Variants in TNFSF11 observed in about 807,000 individuals in gnomAD.
TNFSF11 encodes TNF superfamily member 11, also known as tumor necrosis factor ligand superfamily member 11.
In TNFSF11, 12 loss-of-function variants were observed where a neutral mutation model predicts 32.2. The observed-to-expected ratio is 0.37, with a 90% CI of 0.24 to 0.60. TNFSF11 has a LOEUF of 0.60. Among genes scored for constraint, TNFSF11 ranks in the 20% least tolerant of loss-of-function variants. The pLI is 0.66. For missense variants in TNFSF11, 345 were observed against 398.0 expected (o/e 0.87, Z 1.13); for synonymous variants, 172 against 152.1 (o/e 1.13, Z -0.96).
At chr13:42,588,947 G>A (rs969620677) in intron 2 of TNFSF11, among the ~76,000 whole-genome samples, 2 of 152,188 alleles carry the variant, frequency 1.3e-5, no homozygotes, top group African/African-American at 2.4e-5. Flanking sequence ...GAAGTTCAGG[G>A]TGTTGGGGAG....
intron 2 of TNFSF11, among the ~76,000 whole-genome samples, chr13:42,597,077 A>G (rs1212372182): frequency 6.6e-6 from 1 of 152,234 alleles, no homozygotes; most frequent in Non-Finnish European, 1.5e-5. Context: ...TGTTATTTTT[A>G]TGATTGATAT....
intron 2 of TNFSF11, among the ~76,000 whole-genome samples, chr13:42,594,128 G>A (rs920613662): frequency 1.3e-5 from 2 of 152,030 alleles, no homozygotes; most frequent in African/African-American, 4.8e-5. Flanking sequence ...TGCCCAGGCT[G>A]GAGTGCAGTG....
intron 1 of TNFSF11, among the ~76,000 whole-genome samples, chr13:42,580,529 G>A (rs375844787): frequency 2.6e-5 from 4 of 152,132 alleles, no homozygotes; most frequent in East Asian, 3.8e-4. Context: ...ACACTGATGA[G>A]AGGGTCAACA....
chr13:42,601,053 C>A, intron 4 of TNFSF11, 72 bp downstream of exon 4: 1 of 1,545,122 alleles, frequency 6.5e-7, no homozygotes, highest in Non-Finnish European at 8.9e-7. Flanking sequence ...ATACTGAAAC[C>A]TATTTTTAGT....
At chr13:42,568,900 C>T (rs1355006085) in intron 2 of TNFSF11, among the ~76,000 whole-genome samples, 1 of 152,130 alleles carries the variant, frequency 6.6e-6, no homozygotes, top group Non-Finnish European at 1.5e-5. Context: ...TTGCAACTGG[C>T]TTCAGATTTA....
chr13:42,595,250 T>C (rs1242357253), intron 2 of TNFSF11, among the ~76,000 whole-genome samples: 2 of 152,228 alleles, frequency 1.3e-5, no homozygotes, highest in African/African-American at 4.8e-5. Flanking sequence ...GGTAGTTCGG[T>C]TTCCTTTTTT....
rs1566373669 is a variant in TNFSF11, at chr13:42,574,260, AG to A, written c.-43del. On this transcript the variant is annotated 5_prime_UTR_variant, in exon 1 of 5. Transcript: ENST00000398795. ...TTGGCCGCAGACAAGAAGGGGAGGG[AG>A]CGGGAGAGGGAGGAGAGCTCCGAAG... 2 of 1,541,532 alleles carry A rather than the reference AG, an allele frequency of 1.3e-6. No homozygotes were observed. The highest frequency in any genetic ancestry group is 1.8e-6 in the Non-Finnish European group (2 of 1,142,168).
At chr13:42,567,726 A>T (rs1872918283) in intron 2 of TNFSF11, among the ~76,000 whole-genome samples, 1 of 152,254 alleles carries the variant, frequency 6.6e-6, no homozygotes, top group African/African-American at 2.4e-5. Flanking sequence ...AGATCATAAG[A>T]CTGACAGAAT....
intron 1 of TNFSF11, among the ~76,000 whole-genome samples, chr13:42,575,196 G>T (rs1250031147): frequency 6.6e-6 from 1 of 152,220 alleles, no homozygotes; most frequent in Non-Finnish European, 1.5e-5. Context: ...GCCTGCTAGG[G>T]ATGTGGGCGG....
At chr13:42,581,838 C>T (rs567959162) in intron 2 of TNFSF11, among the ~76,000 whole-genome samples, 1 of 152,314 alleles carries the variant, frequency 6.6e-6, no homozygotes, top group Non-Finnish European at 1.5e-5. Context: ...TTCTCATTTT[C>T]TGGGAGAGCT....
At chr13:42,606,349 C>G in intron 4 of TNFSF11, 148 bp from the exon 5 acceptor site, 1 of 967,848 alleles carries the variant, frequency 1.0e-6, no homozygotes, top group Non-Finnish European at 1.6e-6. Flanking sequence ...ATGTATTCTC[C>G]CCTTCTAGAA....
intron 4 of TNFSF11, among the ~76,000 whole-genome samples, chr13:42,603,329 C>T (rs1413096937): frequency 6.6e-6 from 1 of 152,146 alleles, no homozygotes; most frequent in Non-Finnish European, 1.5e-5. Context: ...CGGTACTTAG[C>T]AGCAGGGACT....
At chr13:42,577,865 G>A (rs541849236) in intron 1 of TNFSF11, among the ~76,000 whole-genome samples, 1 of 152,288 alleles carries the variant, frequency 6.6e-6, no homozygotes, top group Non-Finnish European at 1.5e-5. Context: ...AGTGTATTTC[G>A]TAGGCACATT....
chr13:42,594,003 G>A (rs1188957395), intron 2 of TNFSF11, among the ~76,000 whole-genome samples: 1 of 152,214 alleles, frequency 6.6e-6, no homozygotes, highest in Admixed American at 6.5e-5. Flanking sequence ...CCAGACTCCA[G>A]CAACTTGACC....
chr13:42,570,957 G>A (rs917046603), upstream of TNFSF11, among the ~76,000 whole-genome samples: 2 of 151,968 alleles, frequency 1.3e-5, no homozygotes, highest in Non-Finnish European at 2.9e-5. Flanking sequence ...TACTAATCAC[G>A]GTTTTGTTAG....
Position 42,581,255 on chromosome 13 carries a change from A to T in TNFSF11, c.349A>T (p.Arg117Trp), listed in dbSNP as rs774612444. The change falls in exon 2 of 5, where the codon AGG (arginine) becomes TGG (tryptophan). Residue 117 changes from arginine (R) to tryptophan (W), a missense_variant. Physicochemically the swap from Arg to Trp is moderately radical, Grantham distance 101. Transcript: ENST00000398795. ...QDTKLIPDSC[R>W]RIKQAFQGAV... The stretch of plus-strand genomic sequence containing the variant: ...TACAAAATTAATACCTGATTCATGT[A>T]GGAGAATTAAACAGGCCTTTCAAGG... 1 of 1,614,138 alleles carries T rather than the reference A, an allele frequency of 6.2e-7. No individual in the cohort carries two copies. The highest frequency in any genetic ancestry group is 8.5e-7 in the Non-Finnish European group (1 of 1,179,974).
chr13:42,581,005 C>G lies in TNFSF11; in HGVS notation c.220-121C>G, dbSNP rs12721448. 3.6e-3 allele frequency: 3,678 copies of G among 1,008,434 alleles called. 16 individuals carry two copies. The highest frequency in any genetic ancestry group is 6.1e-3 in the Middle Eastern group (21 of 3,438). 62.5% of individuals were successfully genotyped at this position (1,008,434 alleles called of 1,614,324 possible). The stretch of plus-strand genomic sequence containing the variant: ...CTTGAGGTTCATTGTATTAACTATT[C>G]ATTGTTGGGGACATAAAGACTCTTG... On this transcript the variant is annotated intron_variant, in intron 1 of 4. Coordinates refer to ENST00000398795, the MANE Select transcript of TNFSF11 (RefSeq NM_003701.4).
intron 2 of TNFSF11, among the ~76,000 whole-genome samples, chr13:42,597,340 C>CTTTTTTTTT (rs774612741): frequency 1.6e-5 from 2 of 125,738 alleles, no homozygotes; most frequent in Non-Finnish European, 3.2e-5. Context: ...GCCTTTTGTT[C>CTTTTTTTTT]TTTTTTTTTT....
At chr13:42,586,549 G>A (rs1464684790) in intron 2 of TNFSF11, among the ~76,000 whole-genome samples, 2 of 152,064 alleles carry the variant, frequency 1.3e-5, no homozygotes, top group Non-Finnish European at 2.9e-5. Flanking sequence ...TTTTCATCAG[G>A]CTTCTTTGTT....
Sources: allele counts gnomAD v4.1 joint callset (sites outside exome capture counted in the v4.1 genomes callset), GRCh38; gene constraint gnomAD v4.1.1; transcripts MANE v1.5; gene names NCBI Gene and HGNC (gene_info 2026-07-23, HGNC 2026-07-21).